Variants in NUP98 observed in about 807,000 individuals in gnomAD.
NUP98 encodes nuclear pore complex protein Nup98-Nup96.
In NUP98, 26 loss-of-function variants were observed where a neutral mutation model predicts 191.9. The ratio of observed to expected loss-of-function variants is 0.14; its 90% CI spans 0.10 to 0.19. The LOEUF (loss-of-function observed/expected upper bound fraction) is 0.19, where lower values mean the gene tolerates loss of function less well. NUP98 is among the 10% of genes least tolerant of loss of function. NUP98 has a pLI of 1.00. For missense variants in NUP98, 1,941 were observed against 2,178.8 expected (o/e 0.89, Z 2.17); for synonymous variants, 808 against 778.4 (o/e 1.04, Z -0.63).
chr11:3,729,330 C>G (rs909028226), intron 14 of NUP98, among the ~76,000 whole-genome samples: 96 of 151,732 alleles, frequency 6.3e-4, no homozygotes, highest in African/African-American at 2.2e-3. Context: ...AGGAAGAAAA[C>G]TAGGAAATTG....
intron 8 of NUP98, among the ~76,000 whole-genome samples, chr11:3,763,275 C>A (rs1003355296): frequency 2.0e-5 from 3 of 152,076 alleles, no homozygotes; most frequent in South Asian, 2.1e-4. Flanking sequence ...ATGGTAGGAA[C>A]AGAAGTTCAA....
Position 3,744,572 on chromosome 11 carries a change from C to T in NUP98, c.1345G>A (p.Gly449Arg). 2 of 1,613,882 alleles carry T rather than the reference C, an allele frequency of 1.2e-6. No homozygotes were observed. The highest frequency in any genetic ancestry group is 1.7e-6 in the Non-Finnish European group (2 of 1,179,854). ...IGGPLGTGAF[G>R]APGFNTTTAT... ...GTCGTAGTATTAAATCCAGGGGCCC[C>T]AAAGGCTCCTGTACCAAGAGGCCCT... is the stretch of plus-strand genomic sequence containing the variant. The change falls in exon 12 of 33, where the codon GGG becomes AGG. Residue 449 changes from glycine (G) to arginine (R), a missense_variant. Around this residue, in one of 6 missense-constraint regions of NUP98, gnomAD observed 453 missense variants for 438.2 expected, o/e 1.03. Coordinates refer to ENST00000324932, the MANE Select transcript of NUP98 (RefSeq NM_016320.5).
intron 25 of NUP98, among the ~76,000 whole-genome samples, chr11:3,697,826 A>G (rs1329864910): frequency 1.6e-5 from 2 of 127,250 alleles, no homozygotes; most frequent in African/African-American, 6.2e-5. Context: ...GTCTTAAAAA[A>G]AAAAAAAAAA....
At chr11:3,753,504 G>T in intron 10 of NUP98, 96 bp from the exon 11 acceptor site, 1 of 904,228 alleles carries the variant, frequency 1.1e-6, no homozygotes. Context: ...ACTTTAAGTT[G>T]TGAACCTTTC....
At chr11:3,694,469 G>C (rs986335530) in intron 26 of NUP98, among the ~76,000 whole-genome samples, 9 of 151,302 alleles carry the variant, frequency 5.9e-5, no homozygotes, top group African/African-American at 2.2e-4. Flanking sequence ...GGCCGGGCGC[G>C]GTGGCTCACG....
intron 12 of NUP98, 120 bp from the exon 13 acceptor site, chr11:3,735,444 T>C (rs2080011915): frequency 2.3e-6 from 1 of 437,504 alleles, no homozygotes; most frequent in African/African-American, 2.1e-5. Context: ...AATGCTCAGA[T>C]CAATGGTATC....
rs1589859512 is a variant in NUP98, at chr11:3,744,495, T to A, written c.1408+14A>T. The A allele has an allele frequency of 6.3e-7, 1 of 1,587,782 alleles. No individual in the cohort carries two copies. Among genetic ancestry groups the A allele is most frequent in the East Asian group, 2.2e-5 (1 of 44,674 alleles). On this transcript the variant is annotated intron_variant, in intron 12 of 32. Coordinates refer to ENST00000324932, the MANE Select transcript of NUP98 (RefSeq NM_016320.5). ...AAAAATTAAGAAAAGCCTTCTAAAG[T>A]GACTGACACTTACCTACTGGGGCCT...
chr11:3,771,612 G>A, intron 7 of NUP98, 136 bp downstream of exon 7: 1 of 701,306 alleles, frequency 1.4e-6, no homozygotes, highest in African/African-American at 1.8e-5. Context: ...CATACATCCA[G>A]GCATTCCTCC....
Position 3,700,225 on chromosome 11 carries a change from G to A in NUP98, c.3742+385C>T, listed in dbSNP as rs529515748. 1.4e-4 allele frequency among the ~76,000 whole-genome samples: 20 copies of A among 143,282 alleles called. No individual in the cohort carries two copies. In the East Asian group the frequency reaches 3.2e-3, roughly 23 times the overall value. 94.0% of individuals were successfully genotyped at this position (143,282 alleles called of 152,430 possible). On this transcript the variant is annotated intron_variant, in intron 24 of 32. Coordinates refer to ENST00000324932, the MANE Select transcript of NUP98 (RefSeq NM_016320.5). Reference sequence around the variant, plus strand: ...AAAAATTAGCTGGGTGTGGTGGCGCGCGCCTATACTCCCAGCTACAGTGAC... The same window carrying A: ...AAAAATTAGCTGGGTGTGGTGGCGCACGCCTATACTCCCAGCTACAGTGAC...
intron 12 of NUP98, among the ~76,000 whole-genome samples, chr11:3,742,760 G>GTAC (rs1454194357): frequency 6.6e-6 from 1 of 150,526 alleles, no homozygotes; most frequent in Non-Finnish European, 1.5e-5. Flanking sequence ...ATAGGGAAAG[G>GTAC]TACTAATATC....
rs376318705 is a variant in NUP98 at position 3,757,283 on chromosome 11, G to A, written c.1174+3256C>T. Among the ~76,000 whole-genome samples, 25 of 152,006 alleles carry A rather than the reference G, an allele frequency of 1.6e-4. No homozygotes were observed. In the East Asian group the frequency reaches 2.5e-3, roughly 15 times the overall value. On this transcript the variant is annotated intron_variant, in intron 10 of 32. Coordinates refer to ENST00000324932, the MANE Select transcript of NUP98 (RefSeq NM_016320.5). Reference sequence around the variant, plus strand: ...ACAGGCAGATCACCTGAGCTCAGGAGTTCGAGGCCAGCCTGGGTGACATGG... The same window carrying A: ...ACAGGCAGATCACCTGAGCTCAGGAATTCGAGGCCAGCCTGGGTGACATGG...
intron 1 of NUP98, among the ~76,000 whole-genome samples, chr11:3,786,625 G>A (rs2082149097): frequency 6.6e-6 from 1 of 152,134 alleles, no homozygotes; most frequent in South Asian, 2.1e-4. Flanking sequence ...AATACACCCA[G>A]TAGTCCAATC....
intron 5 of NUP98, 114 bp from the exon 6 acceptor site, chr11:3,773,853 T>G: frequency 1.7e-6 from 1 of 596,216 alleles, no homozygotes; most frequent in Non-Finnish European, 3.0e-6. Context: ...TCTTTTATAC[T>G]GAGATGGTTT....
At chr11:3,784,608 A>G (rs1175818868) in intron 1 of NUP98, among the ~76,000 whole-genome samples, 2 of 150,502 alleles carry the variant, frequency 1.3e-5, no homozygotes, top group African/African-American at 5.0e-5. Context: ...AAAAAAAACA[A>G]AAAACATGGT....
intron 7 of NUP98, among the ~76,000 whole-genome samples, chr11:3,771,035 A>C (rs2081514680): frequency 1.3e-5 from 2 of 151,936 alleles, no homozygotes; most frequent in South Asian, 4.2e-4. Flanking sequence ...GCTAATTTTC[A>C]TATTTTTAGT....
chr11:3,708,682 C>T (rs1233189902), intron 20 of NUP98, among the ~76,000 whole-genome samples: 1 of 145,204 alleles, frequency 6.9e-6, no homozygotes, highest in Non-Finnish European at 1.5e-5. Context: ...CTTGGCAGAT[C>T]AGGTACCCTT....
At chr11:3,722,418 T>C (rs1473939451) in intron 16 of NUP98, among the ~76,000 whole-genome samples, 3 of 152,028 alleles carry the variant, frequency 2.0e-5, no homozygotes, top group Non-Finnish European at 4.4e-5. Context: ...GGATTCTTAC[T>C]GTCAAAGTAT....
At chr11:3,714,373 TA>T (rs2079110569) in intron 18 of NUP98, among the ~76,000 whole-genome samples, 1 of 152,218 alleles carries the variant, frequency 6.6e-6, no homozygotes, top group South Asian at 2.1e-4. Flanking sequence ...AAACAGCTAC[TA>T]CCCATTTACT....
At chr11:3,704,792 G>A (rs535815261) in intron 22 of NUP98, among the ~76,000 whole-genome samples, 180 of 152,324 alleles carry the variant, frequency 1.2e-3, no homozygotes, top group Non-Finnish European at 2.3e-3. Context: ...GATCAGTTGA[G>A]GCCAGAAGTT....
Sources: allele counts gnomAD v4.1 joint callset (sites outside exome capture counted in the v4.1 genomes callset), GRCh38; gene constraint gnomAD v4.1.1; regional missense constraint gnomAD v4.1.1; transcripts MANE v1.5; gene names NCBI Gene and HGNC (gene_info 2026-07-23, HGNC 2026-07-21).